ATE1: variants seen among roughly 807,000 people sequenced by gnomAD.
ATE1 encodes the protein arginyltransferase 1.
Under a neutral mutation model 70.5 loss-of-function variants are expected in ATE1, and 36 were observed. The ratio of observed to expected loss-of-function variants is 0.51; its 90% CI spans 0.39 to 0.67. The LOEUF (loss-of-function observed/expected upper bound fraction) is 0.67, where lower values mean the gene tolerates loss of function less well. Among genes scored for constraint, ATE1 ranks in the 30% least tolerant of loss-of-function variants. The pLI, the probability that ATE1 is intolerant of heterozygous loss-of-function variation, is 0.00. For missense variants in ATE1, 593 were observed against 629.5 expected (o/e 0.94, Z 0.62); for synonymous variants, 232 against 219.3 (o/e 1.06, Z -0.51).
intron 4 of ATE1, among the ~76,000 whole-genome samples, chr10:121,912,334 A>G (rs1293014721): frequency 6.6e-6 from 1 of 152,114 alleles, no homozygotes; most frequent in African/African-American, 2.4e-5. Flanking sequence ...AGTCAAATAA[A>G]CAACCAAATA....
At chr10:121,915,213 G>GT (rs1202685545) in intron 3 of ATE1, among the ~76,000 whole-genome samples, 1 of 152,104 alleles carries the variant, frequency 6.6e-6, no homozygotes, top group Non-Finnish European at 1.5e-5. Context: ...ATAACAAGGT[G>GT]TTATTAAATA....
Position 121,913,912 on chromosome 10 carries a change from T to C in ATE1, c.234-19A>G, listed in dbSNP as rs1403689350. ...TCGGCACCTAGGAAAGCAAAATAAA[T>C]ATTTAAAAAGTGAACTCAAACCTTG... On this transcript the variant is annotated intron_variant, in intron 3 of 11. Transcript: ENST00000224652. The C allele has an allele frequency of 1.9e-6, 3 of 1,583,610 alleles. No homozygotes were observed. The highest frequency in any genetic ancestry group is 1.4e-5 in the African/African-American group (1 of 73,820).
At chr10:121,824,884 AAG>A (rs1472414592) in intron 10 of ATE1, among the ~76,000 whole-genome samples, 1 of 152,156 alleles carries the variant, frequency 6.6e-6, no homozygotes, top group Non-Finnish European at 1.5e-5. Context: ...AGGGGTTAAA[AAG>A]AGAGAACTAA....
At chr10:121,820,154 AAAAT>A (rs539613199) in intron 10 of ATE1, among the ~76,000 whole-genome samples, 191 of 152,138 alleles carry the variant, frequency 1.3e-3, no homozygotes, top group African/African-American at 4.2e-3. Flanking sequence ...AAAATAAACA[AAAAT>A]AAATAAATAA....
At chr10:121,908,461 G>A (rs989942221) in intron 5 of ATE1, among the ~76,000 whole-genome samples, 7 of 152,066 alleles carry the variant, frequency 4.6e-5, no homozygotes, top group South Asian at 2.1e-4. Context: ...CCCAGACCGC[G>A]CCACAGCACT....
At chr10:121,874,139 A>G (rs1418932513) in intron 7 of ATE1, among the ~76,000 whole-genome samples, 1 of 152,210 alleles carries the variant, frequency 6.6e-6, no homozygotes. Flanking sequence ...TTTTGCAATT[A>G]TCAATCTAAA....
chr10:121,843,445 G>A (rs963902943), intron 8 of ATE1, among the ~76,000 whole-genome samples: 4 of 152,118 alleles, frequency 2.6e-5, no homozygotes, highest in Non-Finnish European at 5.9e-5. Flanking sequence ...TGATTCTAAA[G>A]TTTATGTAGA....
At chr10:121,856,763 A>G (rs1362561729) in intron 8 of ATE1, among the ~76,000 whole-genome samples, 2 of 152,232 alleles carry the variant, frequency 1.3e-5, no homozygotes, top group African/African-American at 2.4e-5. Flanking sequence ...AATGACACCA[A>G]AAGACTTGTT....
At chr10:121,797,919 T>C (rs944483289) in intron 10 of ATE1, among the ~76,000 whole-genome samples, 1 of 152,230 alleles carries the variant, frequency 6.6e-6, no homozygotes, top group African/African-American at 2.4e-5. Flanking sequence ...TTTATTTATA[T>C]CTATAGAAAA....
chr10:121,864,344 G>A (rs1435010047), intron 8 of ATE1, among the ~76,000 whole-genome samples: 1 of 152,206 alleles, frequency 6.6e-6, no homozygotes, highest in East Asian at 1.9e-4. Flanking sequence ...TCACAATGGG[G>A]TTCATGCTCC....
chr10:121,891,025 C>A (rs1950561100), intron 7 of ATE1, among the ~76,000 whole-genome samples: 1 of 152,164 alleles, frequency 6.6e-6, no homozygotes, highest in African/African-American at 2.4e-5. Context: ...TACCCTGGTT[C>A]TTTGTCACGG....
At chr10:121,776,029 T>C (rs1229941430) in intron 11 of ATE1, among the ~76,000 whole-genome samples, 1 of 152,214 alleles carries the variant, frequency 6.6e-6, no homozygotes, top group Non-Finnish European at 1.5e-5. Context: ...GTGCATATAT[T>C]AGTTGCAGAT....
chr10:121,899,102 CT>C (rs1461847057), intron 7 of ATE1: 1 of 1,068,248 alleles, frequency 9.4e-7, no homozygotes, highest in Non-Finnish European at 1.3e-6. Flanking sequence ...GAAAAGAAAC[CT>C]TAGACGAGGC....
chr10:121,829,422 C>T (rs1401358049), intron 10 of ATE1, among the ~76,000 whole-genome samples: 1 of 137,480 alleles, frequency 7.3e-6, no homozygotes, highest in Non-Finnish European at 1.6e-5. Context: ...GACTTTGTCA[C>T]AAAAAGAAAA....
chr10:121,763,631 G>T (rs1229196351), intron 11 of ATE1, among the ~76,000 whole-genome samples: 2 of 152,184 alleles, frequency 1.3e-5, no homozygotes, highest in African/African-American at 2.4e-5. Context: ...TGCAGCACAG[G>T]AGACTTCTAG....
rs528570823 is a variant in ATE1 at position 121,912,320 on chromosome 10, A to G, written c.338-1169T>C. Among the ~76,000 whole-genome samples the G allele has an allele frequency of 1.2e-4, 18 of 152,276 alleles. No individual in the cohort carries two copies. The South Asian group carries it at 3.7e-3, about 32-fold the overall frequency. ...AGGCACAGATAATTCAGAAGCCTGTAACAAGTCAAATAAACAACCAAATAT... is the reference window on the plus strand; with the variant it reads ...AGGCACAGATAATTCAGAAGCCTGTGACAAGTCAAATAAACAACCAAATAT... On this transcript the variant is annotated intron_variant, in intron 4 of 11. Transcript: ENST00000224652.
At chr10:121,849,756 T>C (rs1468634256) in intron 8 of ATE1, among the ~76,000 whole-genome samples, 1 of 152,094 alleles carries the variant, frequency 6.6e-6, no homozygotes, top group Non-Finnish European at 1.5e-5. Context: ...ACGTGGCAGC[T>C]GTGGAGAATG....
intron 7 of ATE1, among the ~76,000 whole-genome samples, chr10:121,876,769 A>G (rs1246902283): frequency 6.6e-6 from 1 of 152,160 alleles, no homozygotes; most frequent in African/African-American, 2.4e-5. Context: ...GATCGAGACC[A>G]TCCTGGGTAA....
chr10:121,755,620 G>A lies in ATE1; in HGVS notation c.1379-11762C>T, dbSNP rs548551118. Among the ~76,000 whole-genome samples, 10 of 152,322 alleles carry A rather than the reference G, an allele frequency of 6.6e-5. No individual in the cohort carries two copies. In the South Asian group the frequency reaches 2.1e-3, roughly 32 times the overall value. Reference sequence around the variant, plus strand: ...CTTAATTGGGCTCACAGTTCCATGTGGCTGGGGAAGTCTCACAATCATGTC... The same window carrying A: ...CTTAATTGGGCTCACAGTTCCATGTAGCTGGGGAAGTCTCACAATCATGTC... On this transcript the variant is annotated intron_variant, in intron 11 of 11. Transcript: ENST00000224652.
Sources: allele counts gnomAD v4.1 joint callset (sites outside exome capture counted in the v4.1 genomes callset), GRCh38; gene constraint gnomAD v4.1.1; transcripts MANE v1.5; gene names NCBI Gene and HGNC (gene_info 2026-07-23, HGNC 2026-07-21).